The following BEAN1 variants were observed in gnomAD, a reference collection of about 807,000 sequenced individuals.
The protein encoded by BEAN1 is protein BEAN1.
In BEAN1, 17 loss-of-function variants were observed where a neutral mutation model predicts 17.7. The observed-to-expected ratio is 0.96, with a 90% CI of 0.66 to 1.44. The LOEUF is 1.44. BEAN1 is among the 40% of genes most tolerant of loss of function. BEAN1 has a pLI of 0.00. For synonymous variants in BEAN1, 142 were observed against 151.8 expected (o/e 0.94, Z 0.47); for missense variants, 359 against 374.1 (o/e 0.96, Z 0.33).
chr16:66,485,339 G>A (rs558441697), downstream of BEAN1: 30 of 355,212 alleles, frequency 8.4e-5, no homozygotes, highest in African/African-American at 3.2e-4. Context: ...GCTTGTGCAC[G>A]TACACACTTG....
chr16:66,428,442 C>T (rs1961666899), intron 1 of BEAN1: 1 of 152,344 alleles, frequency 6.6e-6, no homozygotes, highest in Non-Finnish European at 1.5e-5. Flanking sequence ...TCAAACATAA[C>T]TGCTCTGCTG....
rs1330833699 is a variant in BEAN1, at chr16:66,434,155, C to T, written c.-82-3440C>T. On this transcript the variant is annotated intron_variant, in intron 1 of 4. Transcript: ENST00000536005. This position sits in a 1 kb window ranked among gnomAD's most constrained non-coding sequence, Gnocchi z 4.3. ...CTCGCATGCTGGGCTCAAAGAGAGG[C>T]GGGCAGGGGAAGAGGTGACCACGCT... Among the ~76,000 whole-genome samples the T allele has an allele frequency of 1.3e-5, 2 of 152,262 alleles. No homozygotes were observed. Among genetic ancestry groups the T allele is most frequent in the African/African-American group, 4.8e-5 (2 of 41,564 alleles).
At chr16:66,431,431 C>G (rs1961794926) in intron 1 of BEAN1, among the ~76,000 whole-genome samples, 1 of 152,162 alleles carries the variant, frequency 6.6e-6, no homozygotes. Context: ...TAAAGTCATA[C>G]ATGTTCATTG....
At chr16:66,432,535 C>T (rs1426026763) in intron 1 of BEAN1, among the ~76,000 whole-genome samples, 1 of 152,214 alleles carries the variant, frequency 6.6e-6, no homozygotes, top group Non-Finnish European at 1.5e-5. Flanking sequence ...TCCATGAAAC[C>T]CCTGTGACAT....
chr16:66,479,625 G>A (rs958881611), intron 4 of BEAN1, among the ~76,000 whole-genome samples: 1 of 152,132 alleles, frequency 6.6e-6, no homozygotes, highest in African/African-American at 2.4e-5. Flanking sequence ...CAAGGGTCTG[G>A]CTGAGCCTGG....
chr16:66,435,344 C>T (rs1172611915), intron 1 of BEAN1, among the ~76,000 whole-genome samples: 1 of 152,146 alleles, frequency 6.6e-6, no homozygotes, highest in East Asian at 1.9e-4. Flanking sequence ...AAATGATGTC[C>T]CCCACCTCAA....
intron 4 of BEAN1, chr16:66,478,123 G>GA (rs529914154): frequency 5.4e-4 from 86 of 159,718 alleles, no homozygotes; most frequent in African/African-American, 1.7e-3. Context: ...TCCCCCTAGG[G>GA]AAAAAAAACT....
At chr16:66,452,459 TGGGCCTGGGCAGCATG>T (rs767404216) in intron 2 of BEAN1, among the ~76,000 whole-genome samples, 13 of 152,210 alleles carry the variant, frequency 8.5e-5, no homozygotes, top group Non-Finnish European at 1.6e-4. Context: ...CCTCTGGCTT[TGGGCCTGGGCAGCATG>T]GTGAACAGTG....
Position 66,471,902 on chromosome 16 carries a change from C to G in BEAN1, c.289+2037C>G, listed in dbSNP as rs1398536113. Among the ~76,000 whole-genome samples, 1 of 152,196 alleles carries G rather than the reference C, an allele frequency of 6.6e-6. No individual in the cohort carries two copies. Among genetic ancestry groups the G allele is most frequent in the Non-Finnish European group, 1.5e-5 (1 of 68,022 alleles). On this transcript the variant is annotated intron_variant, in intron 3 of 4. Coordinates refer to ENST00000536005, the MANE Select transcript of BEAN1 (RefSeq NM_001178020.3). This position sits in a 1 kb window ranked among gnomAD's most constrained non-coding sequence, Gnocchi z 4.7. ...GGGCTCCTGCCCAGAGCATGCCCAT[C>G]CCCTGCAAGAGAAACCCAGGTCCCC...
rs1961910575 is a variant in BEAN1, at chr16:66,434,004, G to T, written c.-82-3591G>T. ...TATTCCCGGAGCGGGGACATGAAGGGGAGTGGGAATGACGTGGACTTGCCA... is the reference window on the plus strand; with the variant it reads ...TATTCCCGGAGCGGGGACATGAAGGTGAGTGGGAATGACGTGGACTTGCCA... On this transcript the variant is annotated intron_variant, in intron 1 of 4. Coordinates refer to ENST00000536005, the MANE Select transcript of BEAN1 (RefSeq NM_001178020.3). This position sits in a 1 kb window ranked among gnomAD's most constrained non-coding sequence, Gnocchi z 4.3. 6.6e-6 allele frequency among the ~76,000 whole-genome samples: 1 copy of T among 152,232 alleles called. No individual in the cohort carries two copies. The highest frequency in any genetic ancestry group is 1.5e-5 in the Non-Finnish European group (1 of 68,038).
intron 4 of BEAN1, among the ~76,000 whole-genome samples, chr16:66,489,562 T>C (rs987947996): frequency 3.9e-5 from 6 of 152,128 alleles, no homozygotes; most frequent in Non-Finnish European, 7.4e-5. Context: ...TGTGAATGAG[T>C]AGCACCCACA....
intron 4 of BEAN1, among the ~76,000 whole-genome samples, chr16:66,488,623 CAGG>C (rs1475694160): frequency 6.6e-6 from 1 of 151,786 alleles, no homozygotes; most frequent in Non-Finnish European, 1.5e-5. Context: ...TGTTTGAGCC[CAGG>C]AGGTCAAGGC....
Position 66,480,777 on chromosome 16 carries a change from A to C in BEAN1, c.632A>C (p.Asp211Ala). ...AQGGLHTVSMDTLPPYEAVCG... is the reference protein window; with the variant it reads ...AQGGLHTVSMATLPPYEAVCG... ...GGTGGCCTTCACACGGTCTCCATGGACACCCTTCCCCCCTACGAGGCTGTG... is the reference window on the plus strand; with the variant it reads ...GGTGGCCTTCACACGGTCTCCATGGCCACCCTTCCCCCCTACGAGGCTGTG... The change falls in exon 5 of 5, where the codon GAC becomes GCC. Residue 211 changes from aspartate (D) to alanine (A), a missense_variant. Transcript: ENST00000536005. 1 of 1,550,966 alleles carries C rather than the reference A, an allele frequency of 6.4e-7. No individual in the cohort carries two copies. Among genetic ancestry groups the C allele is most frequent in the South Asian group, 1.2e-5 (1 of 83,984 alleles).
chr16:66,495,010 G>T (rs1209285966), downstream of BEAN1, among the ~76,000 whole-genome samples: 1 of 152,138 alleles, frequency 6.6e-6, no homozygotes, highest in Non-Finnish European at 1.5e-5. Flanking sequence ...ATAGGTGAAG[G>T]TCCCTTCAGG....
At chr16:66,433,275 ATTT>A (rs1349991063) in intron 1 of BEAN1, among the ~76,000 whole-genome samples, 1 of 151,730 alleles carries the variant, frequency 6.6e-6, no homozygotes, top group East Asian at 1.9e-4. Flanking sequence ...CACTCAGCTA[ATTT>A]TTTTGTATTT....
chr16:66,477,532 G>A lies in BEAN1; in HGVS notation c.290-28G>A, dbSNP rs567295345. ...GACCATCCCTGGATCCTGGTCTGAG[G>A]CCCAGGCCGGTGGTCTGTTCCCTGC... is the stretch of plus-strand genomic sequence containing the variant. On this transcript the variant is annotated intron_variant, in intron 3 of 4. Coordinates refer to ENST00000536005, the MANE Select transcript of BEAN1 (RefSeq NM_001178020.3). 2.7e-6 allele frequency: 4 copies of A among 1,507,990 alleles called. No individual in the cohort carries two copies. The African/African-American group carries it at 4.2e-5, about 16-fold the overall frequency. The allele number at this position is 1,507,990 out of a possible 1,614,324, so 93.4% of individuals were successfully genotyped here.
intron 4 of BEAN1, among the ~76,000 whole-genome samples, chr16:66,492,102 C>T (rs988634357): frequency 4.0e-5 from 6 of 151,456 alleles, no homozygotes; most frequent in African/African-American, 1.5e-4. Context: ...AGTACAGTGG[C>T]GCGATCTTGG....
Position 66,477,659 on chromosome 16 carries a change from G to C in BEAN1, c.389G>C (p.Gly130Ala). 1 of 1,550,734 alleles carries C rather than the reference G, an allele frequency of 6.4e-7. No homozygotes were observed. The highest frequency in any genetic ancestry group is 8.7e-7 in the Non-Finnish European group (1 of 1,146,616). The change falls in exon 4 of 5, where the codon GGG becomes GCG. Residue 130 changes from glycine to alanine, a missense_variant. Transcript: ENST00000536005. ...WPPPLDISSD[G>A]DVDATVLREL... Reference sequence around the variant, plus strand: ...CCACCCTTGGACATCAGCTCTGACGGGGACGTGGATGCCACGGTGCTCAGG... The same window carrying C: ...CCACCCTTGGACATCAGCTCTGACGCGGACGTGGATGCCACGGTGCTCAGG...
chr16:66,460,329 G>C (rs887911599), intron 2 of BEAN1, among the ~76,000 whole-genome samples: 18 of 152,238 alleles, frequency 1.2e-4, no homozygotes, highest in Non-Finnish European at 2.4e-4. Context: ...AGAGAAGCAT[G>C]CATGAAAAGA....
Sources: allele counts gnomAD v4.1 joint callset (sites outside exome capture counted in the v4.1 genomes callset), GRCh38; gene constraint gnomAD v4.1.1; non-coding constraint Gnocchi (gnomAD v3.1); transcripts MANE v1.5; gene names NCBI Gene and HGNC (gene_info 2026-07-23, HGNC 2026-07-21).